Variants in PRDM2 observed in about 807,000 individuals in gnomAD.
PRDM2 encodes PR domain zinc finger protein 2.
A neutral mutation model predicts 130.0 loss-of-function variants in PRDM2; 30 were observed. That is an observed-to-expected ratio of 0.23 (90% CI 0.17 to 0.31). The LOEUF is 0.31. Among genes scored for constraint, PRDM2 ranks in the 10% least tolerant of loss-of-function variants. PRDM2 has a pLI of 1.00. For synonymous variants in PRDM2, 871 were observed against 782.4 expected, an observed-to-expected ratio of 1.11 and a Z score of -1.89; for missense variants, 2,011 against 2,108.4, an observed-to-expected ratio of 0.95 and a Z score of 0.90.
Position 13,782,740 on chromosome 1 carries a change from G to A in PRDM2, c.4945G>A (p.Val1649Ile). Residue 1649 changes from valine to isoleucine, a missense_variant, in exon 8 of 10, where the codon GTC (valine) becomes ATC (isoleucine). By Grantham distance (29) the Val-to-Ile change is conservative. This residue lies in a region of PRDM2 where 410 missense variants were observed against 395.9 expected (regional missense o/e 1.04). Transcript: ENST00000311066. ...IKSRERSGGPVTRSLQLAAAA... is the reference protein window; with the variant it reads ...IKSRERSGGPITRSLQLAAAA... ...ATCTAGAGAGCGGAGTGGGGGGCCA[G>A]TCACCCGGAGCCTTCAGCTGGCAGC... 2 of 1,613,498 alleles carry A rather than the reference G, an allele frequency of 1.2e-6. No individual in the cohort carries two copies. The highest frequency in any genetic ancestry group is 8.5e-7 in the Non-Finnish European group (1 of 1,179,836).
chr1:13,806,947 C>T lies in PRDM2; in HGVS notation c.5037-9480C>T, dbSNP rs1022996462. ...GCGTAGTATCCGGACCGATTGATCC[C>T]CCCACCCCAGGTCGTAGCCCACACA... On this transcript the variant is annotated intron_variant, in intron 8 of 9. Transcript: ENST00000311066. This position sits in a 1 kb window ranked among gnomAD's most constrained non-coding sequence, Gnocchi z 4.1. Among the ~76,000 whole-genome samples the T allele has an allele frequency of 6.6e-6, 1 of 152,162 alleles. No individual in the cohort carries two copies. The highest frequency in any genetic ancestry group is 1.5e-5 in the Non-Finnish European group (1 of 68,028).
At chr1:13,729,985 A>T (rs1220311835) in intron 2 of PRDM2, among the ~76,000 whole-genome samples, 1 of 152,236 alleles carries the variant, frequency 6.6e-6, no homozygotes, top group Non-Finnish European at 1.5e-5. Flanking sequence ...ATATTCTTGA[A>T]GACGACAAGA....
chr1:13,823,447 T>C lies in PRDM2; in HGVS notation c.*312T>C, dbSNP rs1645385800. ...CGTGTTCTGCAGCCCAGCCTTCCTG[T>C]TGGGGTGGGGCCTCTCCTACTATGC... On this transcript the variant is annotated 3_prime_UTR_variant, in exon 10 of 10. Transcript: ENST00000311066. 1.9e-6 allele frequency: 1 copy of C among 523,204 alleles called. No homozygotes were observed. The highest frequency in any genetic ancestry group is 1.9e-5 in the African/African-American group (1 of 51,936). The allele number at this position is 523,204 out of a possible 1,614,324, so 32.4% of individuals were successfully genotyped here. A position where few individuals can be genotyped will look rare whatever the true frequency, so the allele number is the denominator to read the frequency against.
intron 4 of PRDM2, among the ~76,000 whole-genome samples, chr1:13,736,746 C>G (rs1407702902): frequency 6.6e-6 from 1 of 151,510 alleles, no homozygotes; most frequent in Non-Finnish European, 1.5e-5. Context: ...TCTTGCCAGC[C>G]TTTTAAAATC....
At chr1:13,727,074 C>T (rs532456826) in intron 2 of PRDM2, among the ~76,000 whole-genome samples, 2 of 152,270 alleles carry the variant, frequency 1.3e-5, no homozygotes, top group African/African-American at 4.8e-5. Context: ...AGCTGCTTCT[C>T]CTACCTTCTC....
chr1:13,728,009 C>A (rs1230894642), intron 2 of PRDM2, among the ~76,000 whole-genome samples: 1 of 152,040 alleles, frequency 6.6e-6, no homozygotes, highest in East Asian at 1.9e-4. Flanking sequence ...AATGGCATAC[C>A]ACATTTTCTA....
intron 6 of PRDM2, among the ~76,000 whole-genome samples, chr1:13,764,698 C>G (rs1353122282): frequency 2.0e-5 from 3 of 152,236 alleles, no homozygotes; most frequent in Non-Finnish European, 4.4e-5. Flanking sequence ...GCAACAGCCC[C>G]CCTGGTGGGA....
intron 6 of PRDM2, chr1:13,770,280 C>T (rs773246275): frequency 4.3e-6 from 2 of 468,840 alleles, no homozygotes; most frequent in African/African-American, 2.0e-5. Flanking sequence ...CAGCTAGGTG[C>T]TCTAACATTC....
intron 6 of PRDM2, among the ~76,000 whole-genome samples, chr1:13,758,532 A>G (rs1302258147): frequency 3.9e-5 from 6 of 152,000 alleles, no homozygotes; most frequent in African/African-American, 1.2e-4. Flanking sequence ...ACAGTTTGTA[A>G]TCTATGCTTT....
At position 13,767,484 on chromosome 1, in the gene PRDM2, T is replaced by G. The variant is rs1644255300; in HGVS notation, c.512-5594T>G. ...TTTTTTCTATTTTTTTTTTTTTTTT[T>G]GGTAGATACGGGGGTCTCACTATGT... On this transcript the variant is annotated intron_variant, in intron 6 of 9. Transcript: ENST00000311066. Among the ~76,000 whole-genome samples, 4 of 149,872 alleles carry G rather than the reference T, an allele frequency of 2.7e-5. No homozygotes were observed. The South Asian group carries it at 8.4e-4, about 31-fold the overall frequency.
At chr1:13,777,182 G>A (rs1644493635) in intron 7 of PRDM2, among the ~76,000 whole-genome samples, 1 of 152,048 alleles carries the variant, frequency 6.6e-6, no homozygotes, top group South Asian at 2.1e-4. Context: ...ACCACAGCCA[G>A]TCAGCAGGCA....
intron 5 of PRDM2, among the ~76,000 whole-genome samples, chr1:13,748,725 A>C (rs1459989029): frequency 6.6e-6 from 1 of 152,152 alleles, no homozygotes; most frequent in Non-Finnish European, 1.5e-5. Context: ...AATACATGGG[A>C]GATACTTCCT....
chr1:13,720,527 G>A (rs1642690123), intron 2 of PRDM2, among the ~76,000 whole-genome samples: 2 of 152,138 alleles, frequency 1.3e-5, no homozygotes, highest in Middle Eastern at 6.8e-3. Context: ...TTGAGGAGAG[G>A]GCTGTTAGAG....
At chr1:13,809,055 G>C (rs1645130433) in intron 8 of PRDM2, among the ~76,000 whole-genome samples, 1 of 152,242 alleles carries the variant, frequency 6.6e-6, no homozygotes. Flanking sequence ...AATCTAGTGA[G>C]GAGCCGAGGC....
At position 13,773,236 on chromosome 1, in the gene PRDM2, A is replaced by G. The variant is rs1053061496; in HGVS notation, c.622+48A>G. 4 of 1,118,098 alleles carry G rather than the reference A, an allele frequency of 3.6e-6. No homozygotes were observed. The Admixed American group carries it at 1.0e-4, about 28-fold the overall frequency. 69.3% of individuals were successfully genotyped at this position (1,118,098 alleles called of 1,614,324 possible). The stretch of plus-strand genomic sequence containing the variant: ...GTCTGAATTGGGTGTGTATGTACCC[A>G]GTGAATTTAACTTTGTATCTCTTTA... On this transcript the variant is annotated intron_variant, in intron 7 of 9. Coordinates refer to ENST00000311066, the MANE Select transcript of PRDM2 (RefSeq NM_001393986.1).
chr1:13,702,890 G>A (rs1359280952), intron 1 of PRDM2, among the ~76,000 whole-genome samples: 1 of 152,178 alleles, frequency 6.6e-6, no homozygotes, highest in Admixed American at 6.5e-5. Context: ...GATGGTTGGG[G>A]GAAAATCGTC....
At position 13,787,069 on chromosome 1, in the gene PRDM2, G is replaced by A. The variant is rs967166242; in HGVS notation, c.5036+4238G>A. On this transcript the variant is annotated intron_variant, in intron 8 of 9. Transcript: ENST00000311066. ...GGTATTTCTTTTTTTTGTTGTTTTC[G>A]TTTTTTTAAATCACAAGTAGATTGC... The A allele has an allele frequency of 1.4e-4, 134 of 985,168 alleles. 1 individual carries two copies. In the African/African-American group the frequency reaches 2.2e-3, roughly 16 times the overall value. The allele number at this position is 985,168 out of a possible 1,614,324, so 61.0% of individuals were successfully genotyped here.
At chr1:13,823,121 G>A in intron 9 of PRDM2, 38 bp from the exon 10 acceptor site, 1 of 1,581,210 alleles carries the variant, frequency 6.3e-7, no homozygotes, top group Non-Finnish European at 8.6e-7. Context: ...CTGAATGTGT[G>A]CTTACTGTTA....
chr1:13,717,743 C>T (rs956491388), intron 2 of PRDM2, among the ~76,000 whole-genome samples: 4 of 151,154 alleles, frequency 2.6e-5, no homozygotes, highest in African/African-American at 9.8e-5. Flanking sequence ...AATATCAGAT[C>T]TGCAGAAGAC....
Sources: gnomAD v4.1 joint callset for allele counts (sites outside exome capture counted in the v4.1 genomes callset) on GRCh38, gnomAD v4.1.1 for gene constraint, gnomAD v4.1.1 regional missense constraint, Gnocchi (gnomAD v3.1) non-coding constraint, MANE v1.5 for transcripts, NCBI Gene and HGNC (gene_info 2026-07-23, HGNC 2026-07-21) for gene names.